ZNF718: variants seen among roughly 807,000 people sequenced by gnomAD.
The protein encoded by ZNF718 is zinc finger protein 718.
In ZNF718, 3 loss-of-function variants were observed where a neutral mutation model predicts 2.6. That is an observed-to-expected ratio of 1.16 (90% CI 0.53 to 3.01). The LOEUF (loss-of-function observed/expected upper bound fraction) is 3.01. ZNF718 is among the 30% of genes most tolerant of loss of function. The pLI, the probability that ZNF718 is intolerant of heterozygous loss-of-function variation, is 0.03. For synonymous variants in ZNF718, 135 were observed against 77.9 expected (o/e 1.73, Z -3.86); for missense variants, 468 against 230.0 (o/e 2.03, Z -6.69).
intron 3 of ZNF718, among the ~76,000 whole-genome samples, chr4:152,283 G>C (rs1716359333): frequency 7.3e-6 from 1 of 137,828 alleles, no homozygotes; most frequent in Non-Finnish European, 1.6e-5. Flanking sequence ...CCTCAGCACA[G>C]ACCCTTTACG....
intron 3 of ZNF718, among the ~76,000 whole-genome samples, chr4:158,296 T>G (rs553733253): frequency 6.6e-5 from 10 of 152,216 alleles, no homozygotes; most frequent in Non-Finnish European, 1.2e-4. Flanking sequence ...GCAGGTTGGA[T>G]CTTGTTTTTT....
chr4:124,804 G>C, intron 1 of ZNF718, 131 bp downstream of exon 1: 2 of 1,275,584 alleles, frequency 1.6e-6, no homozygotes, highest in Non-Finnish European at 2.2e-6. Flanking sequence ...CTCCGGTGAG[G>C]GACCCGCGCT....
At chr4:147,124 C>G (rs1716102178) in intron 3 of ZNF718, among the ~76,000 whole-genome samples, 1 of 152,148 alleles carries the variant, frequency 6.6e-6, no homozygotes, top group Admixed American at 6.5e-5. Context: ...GTGTGCACCA[C>G]CACACCTGGC....
chr4:197,377 G>T (rs1553822209), intron 3 of ZNF718, among the ~76,000 whole-genome samples: 1 of 152,114 alleles, frequency 6.6e-6, no homozygotes, highest in Non-Finnish European at 1.5e-5. Flanking sequence ...CAAAGCTTGG[G>T]TCAGAACTGG....
intron 3 of ZNF718, among the ~76,000 whole-genome samples, chr4:191,212 C>T (rs1717687783): frequency 7.7e-6 from 1 of 130,376 alleles, no homozygotes. Flanking sequence ...GCGGTGGTGT[C>T]ATCTCGGCTC....
intron 1 of ZNF718, among the ~76,000 whole-genome samples, chr4:126,344 A>G (rs78976689): frequency 0.014 from 2,156 of 152,336 alleles, 50 homozygotes; most frequent in African/African-American, 0.048. Context: ...AAATTTTTAT[A>G]ATTATTTTCA....
rs368824100 is a variant in ZNF718 at position 198,247 on chromosome 4, C to T, written c.227-2834C>T. Among the ~76,000 whole-genome samples, 14 of 152,278 alleles carry T rather than the reference C, an allele frequency of 9.2e-5. No individual in the cohort carries two copies. The South Asian group carries it at 2.3e-3, about 25-fold the overall frequency. On this transcript the variant is annotated intron_variant and NMD_transcript_variant, in intron 3 of 4. Coordinates refer to the ZNF718 transcript ENST00000642529. ...AAGCTCTTCTCATCTGCCATGGCTG[C>T]CTGGCCAGGTCATAGACTATGCACT...
At chr4:166,255 G>T (rs1429547316), downstream of ZNF718, among the ~76,000 whole-genome samples, 11 of 152,196 alleles carry the variant, frequency 7.2e-5, no homozygotes, top group Admixed American at 5.9e-4. Context: ...TACACTGTTG[G>T]ACATTTGGGT....
At position 130,057 on chromosome 4, in the gene ZNF718, C is replaced by A. The variant is rs1303479321; in HGVS notation, c.4-731C>A. 1.9e-5 allele frequency among the ~76,000 whole-genome samples: 2 copies of A among 104,364 alleles called. 1 individual carries two copies. Among genetic ancestry groups the A allele is most frequent in the Non-Finnish European group, 4.3e-5 (2 of 46,788 alleles). 68.5% of individuals were successfully genotyped at this position (104,364 alleles called of 152,430 possible). A position where few individuals can be genotyped will look rare whatever the true frequency, so the allele number is the denominator to read the frequency against. On this transcript the variant is annotated intron_variant, in intron 1 of 3. Transcript: ENST00000510175. ...ACATTAAAGGGCTTGCAGAGAATGC[C>A]GTATTTCAAGATGATGATTGGTGGT...
At chr4:192,551 CCT>C (rs1318492451) in intron 3 of ZNF718, among the ~76,000 whole-genome samples, 1 of 152,046 alleles carries the variant, frequency 6.6e-6, no homozygotes, top group African/African-American at 2.4e-5. Flanking sequence ...CTCAGTCCCC[CCT>C]CTCAACAGGA....
chr4:176,408 C>A (rs1240592162), intron 3 of ZNF718, among the ~76,000 whole-genome samples: 1 of 152,116 alleles, frequency 6.6e-6, no homozygotes, highest in Non-Finnish European at 1.5e-5. Context: ...CCTTGTTCTC[C>A]CCTGTAACCC....
At position 161,257 on chromosome 4, in the gene ZNF718, G is replaced by T; in HGVS notation, c.572G>T (p.Arg191Ile). Residue 191 changes from arginine (R) to isoleucine (I), a missense_variant, in exon 4 of 4, where the codon AGA (arginine) becomes ATA (isoleucine). Coordinates refer to ENST00000510175, the MANE Select transcript of ZNF718 (RefSeq NM_001039127.6). ...CTCTCACGCCTAACTCAACACAAAA[G>T]AATTCATACTGGAGAGAACCCCTAC... The part of the protein sequence containing the change: ...HVLSRLTQHK[R>I]IHTGENPYTC... 1 of 778,774 alleles carries T rather than the reference G, an allele frequency of 1.3e-6. No individual in the cohort carries two copies. The allele number at this position is 778,774 out of a possible 1,614,324, so 48.2% of individuals were successfully genotyped here.
downstream of ZNF718, among the ~76,000 whole-genome samples, chr4:166,382 G>A (rs1717087887): frequency 6.6e-6 from 1 of 152,166 alleles, no homozygotes; most frequent in Non-Finnish European, 1.5e-5. Context: ...GGATGGCTGG[G>A]TCAAATGGTA....
Position 132,782 on chromosome 4 carries a change from A to G in ZNF718, c.226+1277A>G, listed in dbSNP as rs1396826463. ...TAATATAAACTGAGATTTGTAATTT[A>G]AACTCTATTTTTGCAAGTTTTCAAA... On this transcript the variant is annotated intron_variant, in intron 3 of 3. Transcript: ENST00000510175. 2.9e-5 allele frequency among the ~76,000 whole-genome samples: 3 copies of G among 104,468 alleles called. 1 individual carries two copies. In the Admixed American group the frequency reaches 3.1e-4, roughly 11 times the overall value. The allele number at this position is 104,468 out of a possible 152,430, so 68.5% of individuals were successfully genotyped here.
chr4:178,643 AT>A lies in ZNF718; in HGVS notation c.227-22437del, dbSNP rs1717396893. Among the ~76,000 whole-genome samples the A allele has an allele frequency of 3.9e-5, 6 of 152,306 alleles. No homozygotes were observed. The South Asian group carries it at 1.2e-3, about 32-fold the overall frequency. ...TTTGCTTTGCATTTCTCCCAAAAAA[AT>A]AATTTTGATGATCCTTTCAAATGCC... is the stretch of plus-strand genomic sequence containing the variant. On this transcript the variant is annotated intron_variant and NMD_transcript_variant, in intron 3 of 4. Transcript: ENST00000642529.
At chr4:173,186 C>A (rs1477928354) in intron 3 of ZNF718, among the ~76,000 whole-genome samples, 5 of 151,990 alleles carry the variant, frequency 3.3e-5, no homozygotes, top group Non-Finnish European at 7.4e-5. Flanking sequence ...CTGCCCTTCC[C>A]CACCCCTCCA....
At chr4:124,494 C>T (rs996629233), upstream of ZNF718, 3 of 797,890 alleles carry the variant, frequency 3.8e-6, no homozygotes, top group African/African-American at 1.7e-5. Flanking sequence ...CATCCGGGAT[C>T]TGGCGCGGCT....
chr4:183,600 A>G (rs1323333846), intron 3 of ZNF718, among the ~76,000 whole-genome samples: 1 of 152,142 alleles, frequency 6.6e-6, no homozygotes, highest in Admixed American at 6.5e-5. Flanking sequence ...TTTGGGTAGT[A>G]TGGCCATTTT....
downstream of ZNF718, among the ~76,000 whole-genome samples, chr4:165,117 C>T (rs1210013945): frequency 6.6e-6 from 1 of 152,050 alleles, no homozygotes; most frequent in African/African-American, 2.4e-5. Flanking sequence ...ACCTCACAGC[C>T]CTTCTCCTGA....
Sources: allele counts gnomAD v4.1 joint callset (sites outside exome capture counted in the v4.1 genomes callset), GRCh38; gene constraint gnomAD v4.1.1; transcripts MANE v1.5; gene names NCBI Gene and HGNC (gene_info 2026-07-23, HGNC 2026-07-21).